Variants in KIF7 observed in about 807,000 individuals in gnomAD.
KIF7 encodes the protein kinesin-like protein KIF7.
Under a neutral mutation model 135.7 loss-of-function variants are expected in KIF7, and 104 were observed. The ratio of observed to expected loss-of-function variants is 0.77; its 90% CI spans 0.65 to 0.90. KIF7 has a LOEUF of 0.90. KIF7 is among the 40% of genes least tolerant of loss of function. KIF7 has a pLI of 0.00. For missense variants in KIF7, 2,005 were observed against 1,839.1 expected (o/e 1.09, Z -1.65); for synonymous variants, 883 against 809.4 (o/e 1.09, Z -1.54).
intron 1 of KIF7, among the ~76,000 whole-genome samples, chr15:89,655,037 T>A (rs555597877): frequency 6.6e-6 from 1 of 152,190 alleles, no homozygotes; most frequent in African/African-American, 2.4e-5. Flanking sequence ...GCAGGCGCTA[T>A]TCGGAGCCGG....
intron 5 of KIF7, 99 bp downstream of exon 5, chr15:89,648,156 C>A: frequency 7.4e-7 from 1 of 1,350,566 alleles, no homozygotes; most frequent in South Asian, 1.7e-5. Flanking sequence ...TGCTAATGGG[C>A]AGGAGGCAGG....
intron 2 of KIF7, among the ~76,000 whole-genome samples, chr15:89,651,460 CTGACCTCAGGT>C (rs200959402): frequency 0.014 from 2,129 of 152,222 alleles, 65 homozygotes; most frequent in African/African-American, 0.049. Flanking sequence ...TCTCGAACTC[CTGACCTCAGGT>C]GATCTGCCTG....
At position 89,645,029 on chromosome 15, in the gene KIF7, G is replaced by T. The variant is rs201280491; in HGVS notation, c.2175C>A (p.Gly725=). 5 of 1,608,044 alleles carry T rather than the reference G, an allele frequency of 3.1e-6. No homozygotes were observed. The highest frequency in any genetic ancestry group is 8.5e-7 in the Non-Finnish European group (1 of 1,179,984). ...INIRMKEELI[G]ELVRTGKAAQ... ...ACGCCTCACCTGTGCGGACCAGCTC[G>T]CCAATAAGCTCCTCCTTCATGCGGA... The change falls in exon 10 of 19, where the codon GGC becomes GGA. Residue 725 remains glycine (G), a synonymous_variant. Transcript: ENST00000394412.
intron 7 of KIF7, among the ~76,000 whole-genome samples, chr15:89,646,599 G>T (rs768728691): frequency 1.3e-5 from 2 of 152,132 alleles, no homozygotes; most frequent in Non-Finnish European, 2.9e-5. Context: ...CATTCCAAGC[G>T]ATCTTCAGCT....
intron 10 of KIF7, among the ~76,000 whole-genome samples, chr15:89,642,906 G>A (rs1482362759): frequency 1.3e-5 from 2 of 152,108 alleles, no homozygotes; most frequent in African/African-American, 4.8e-5. Context: ...CCACTGCAGC[G>A]ACCCAAGGAA....
chr15:89,636,137 T>C (rs1046758608), intron 11 of KIF7, among the ~76,000 whole-genome samples: 1 of 152,024 alleles, frequency 6.6e-6, no homozygotes, highest in African/African-American at 2.4e-5. Flanking sequence ...TTGAGAGATT[T>C]TGTCACACCC....
At chr15:89,649,714 T>C (rs1401666287) in intron 3 of KIF7, 27 bp downstream of exon 3, 4 of 1,549,162 alleles carry the variant, frequency 2.6e-6, no homozygotes, top group Non-Finnish European at 2.6e-6. Flanking sequence ...CCCCTCTCCG[T>C]CAGTGGAGGA....
intron 7 of KIF7, 134 bp downstream of exon 7, chr15:89,646,696 G>C: frequency 1.2e-6 from 1 of 819,686 alleles, no homozygotes; most frequent in Non-Finnish European, 2.1e-6. Flanking sequence ...ACAGCTGAAA[G>C]CAGCCTCTCG....
At position 89,630,247 on chromosome 15, in the gene KIF7, C is replaced by T. The variant is rs370392455; in HGVS notation, c.3318+40G>A. 2.2e-5 allele frequency: 35 copies of T among 1,578,726 alleles called. No homozygotes were observed. The African/African-American group carries it at 2.4e-4, about 11-fold the overall frequency. ...CCATGAGACACCTCCCCACACGTGC[C>T]GCTGAGGAGGAGCTGGGGGGCCATG... On this transcript the variant is annotated intron_variant, in intron 16 of 18. Transcript: ENST00000394412.
intron 2 of KIF7, 151 bp downstream of exon 2, chr15:89,652,452 C>T (rs1964138370): frequency 1.5e-6 from 1 of 681,332 alleles, no homozygotes; most frequent in Non-Finnish European, 2.5e-6. Flanking sequence ...TGGTCCCAGC[C>T]TGGGCCACAG....
chr15:89,621,882 C>T (rs1361941130), intron 1 of KIF7, among the ~76,000 whole-genome samples: 1 of 152,086 alleles, frequency 6.6e-6, no homozygotes, highest in Non-Finnish European at 1.5e-5. Context: ...TTGCCCACTC[C>T]ATCCAGTCAC....
intron 1 of KIF7, among the ~76,000 whole-genome samples, chr15:89,654,363 C>T (rs1964175175): frequency 6.6e-6 from 1 of 152,038 alleles, no homozygotes; most frequent in Non-Finnish European, 1.5e-5. Context: ...AAATCAGGCC[C>T]TGCCTCCCTG....
At chr15:89,624,847 T>C (rs1334151753), downstream of KIF7, 3 of 1,614,198 alleles carry the variant, frequency 1.9e-6, no homozygotes, top group South Asian at 1.1e-5. Context: ...TCCTCCTTCC[T>C]GTGGGCCTGG....
chr15:89,652,384 A>G (rs1221959830), intron 2 of KIF7, among the ~76,000 whole-genome samples: 1 of 152,102 alleles, frequency 6.6e-6, no homozygotes, highest in Non-Finnish European at 1.5e-5. Context: ...TGGAGGTGAG[A>G]AGGCCACTCA....
intron 10 of KIF7, among the ~76,000 whole-genome samples, chr15:89,642,632 C>T (rs1963944348): frequency 6.6e-6 from 1 of 152,224 alleles, no homozygotes; most frequent in African/African-American, 2.4e-5. Context: ...TGCAGTGGCG[C>T]AATCTTGGCT....
intron 1 of KIF7, among the ~76,000 whole-genome samples, chr15:89,619,498 G>C (rs1441607878): frequency 6.6e-6 from 1 of 152,102 alleles, no homozygotes; most frequent in South Asian, 2.1e-4. Flanking sequence ...AGTCTAGTGG[G>C]TCAGTGTTTT....
At chr15:89,645,295 G>A (rs1431353049) in intron 9 of KIF7, 41 bp downstream of exon 9, 22 of 1,599,206 alleles carry the variant, frequency 1.4e-5, no homozygotes, top group African/African-American at 2.7e-5. Flanking sequence ...CCGTGGAGGG[G>A]CAGTGGGGAG....
In KIF7 at chr15:89,649,089, T is replaced by C. The variant is rs1280161973; in HGVS notation, c.808A>G (p.Lys270Glu). 1 of 1,547,628 alleles carries C rather than the reference T, an allele frequency of 6.5e-7. No homozygotes were observed. The highest frequency in any genetic ancestry group is 1.4e-5 in the African/African-American group (1 of 72,984). The stretch of plus-strand genomic sequence containing the variant: ...CTGCTGTTGATCTGGATGCTCTCCT[T>C]GAGCCGCTCGCCGGTGCTGCCCGTC... ...LKTGSTGERL[K>E]ESIQINSSLL... Residue 270 changes from lysine to glutamate, a missense_variant, in exon 4 of 19, where the codon AAG becomes GAG. Lys to Glu is a moderately conservative substitution (Grantham distance 56). Transcript: ENST00000394412.
At chr15:89,659,920 G>C (rs1467351163), upstream of KIF7, among the ~76,000 whole-genome samples, 1 of 152,198 alleles carries the variant, frequency 6.6e-6, no homozygotes, top group Non-Finnish European at 1.5e-5. Flanking sequence ...AAACAGGCCG[G>C]GCATGGTAGC....
Sources: allele counts gnomAD v4.1 joint callset (sites outside exome capture counted in the v4.1 genomes callset), GRCh38; gene constraint gnomAD v4.1.1; transcripts MANE v1.5; gene names NCBI Gene and HGNC (gene_info 2026-07-23, HGNC 2026-07-21).